Variants in KLHL1 observed in about 807,000 individuals in gnomAD.
KLHL1 encodes kelch like family member 1, also known as kelch-like protein 1.
A neutral mutation model predicts 77.7 loss-of-function variants in KLHL1; 47 were observed. That is an observed-to-expected ratio of 0.60 (90% CI 0.48 to 0.77). The LOEUF (loss-of-function observed/expected upper bound fraction) is 0.77, where lower values mean the gene tolerates loss of function less well. KLHL1 is among the 30% of genes least tolerant of loss of function. The pLI is 0.00. For missense variants in KLHL1, 925 were observed against 910.8 expected (o/e 1.02, Z -0.20); for synonymous variants, 360 against 325.2 (o/e 1.11, Z -1.15).
intron 5 of KLHL1, among the ~76,000 whole-genome samples, chr13:69,847,936 T>A (rs372247453): frequency 1.9e-4 from 29 of 151,686 alleles, no homozygotes; most frequent in African/African-American, 7.0e-4. Context: ...ATATATCTAA[T>A]ACAAATAAAA....
chr13:69,898,124 T>A lies in KLHL1; in HGVS notation c.1015-15629A>T, dbSNP rs1881714053. 2.0e-5 allele frequency among the ~76,000 whole-genome samples: 3 copies of A among 152,190 alleles called. No homozygotes were observed. In the South Asian group the frequency reaches 6.2e-4, roughly 31 times the overall value. On this transcript the variant is annotated intron_variant, in intron 4 of 10. Coordinates refer to ENST00000377844, the MANE Select transcript of KLHL1 (RefSeq NM_020866.3). ...TCTCAGAGTGTGGTTAATAATGATA[T>A]CTCCAAGAAGGAGATTAATGTGCTC... is the stretch of plus-strand genomic sequence containing the variant.
At chr13:69,863,434 T>TC (rs147948286) in intron 5 of KLHL1, among the ~76,000 whole-genome samples, 1,954 of 152,074 alleles carry the variant, frequency 0.013, 45 homozygotes, top group African/African-American at 0.045. Flanking sequence ...CTCATTTTTT[T>TC]CTCCTAGGAG....
chr13:69,812,211 T>C (rs1877912862), intron 6 of KLHL1, among the ~76,000 whole-genome samples: 1 of 152,182 alleles, frequency 6.6e-6, no homozygotes, highest in South Asian at 2.1e-4. Context: ...AATTGAGCGG[T>C]TCTGAGTGAG....
At chr13:70,059,367 A>C (rs1593710585) in intron 1 of KLHL1, among the ~76,000 whole-genome samples, 1 of 151,978 alleles carries the variant, frequency 6.6e-6, no homozygotes, top group Admixed American at 6.6e-5. Context: ...ATGGGTTTTG[A>C]TCATGTTGGC....
At chr13:70,022,050 T>C (rs761993357) in intron 1 of KLHL1, among the ~76,000 whole-genome samples, 2 of 151,966 alleles carry the variant, frequency 1.3e-5, no homozygotes, top group Non-Finnish European at 2.9e-5. Flanking sequence ...ATACAGACAT[T>C]GCCAAACCCA....
At chr13:69,959,838 A>G (rs1244996859) in intron 3 of KLHL1, among the ~76,000 whole-genome samples, 1 of 151,946 alleles carries the variant, frequency 6.6e-6, no homozygotes, top group Non-Finnish European at 1.5e-5. Context: ...TTTCTTTAGT[A>G]AAACCAATTA....
chr13:69,840,626 T>C (rs532137393), intron 5 of KLHL1, among the ~76,000 whole-genome samples: 1 of 151,924 alleles, frequency 6.6e-6, no homozygotes, highest in South Asian at 2.1e-4. Context: ...CAGTTTCCTT[T>C]TGTTGTATAC....
At position 69,955,321 on chromosome 13, in the gene KLHL1, C is replaced by A. The variant is rs550537959; in HGVS notation, c.817+5987G>T. On this transcript the variant is annotated intron_variant, in intron 3 of 10. Coordinates refer to ENST00000377844, the MANE Select transcript of KLHL1 (RefSeq NM_020866.3). ...TCAAATGTTTGGCAGTAAGCAGAAG[C>A]TATCTTAACATTTCTTAGCAGGTAC... Among the ~76,000 whole-genome samples the A allele has an allele frequency of 4.0e-5, 6 of 151,296 alleles. No individual in the cohort carries two copies. In the Admixed American group the frequency reaches 4.0e-4, roughly 10 times the overall value.
chr13:69,785,181 C>T (rs1168800635), intron 7 of KLHL1, among the ~76,000 whole-genome samples: 16 of 152,118 alleles, frequency 1.1e-4, no homozygotes, highest in South Asian at 4.2e-4. Context: ...CGTGAGCCAC[C>T]GCGCCCGGCC....
At chr13:69,834,976 T>G (rs554500336) in intron 6 of KLHL1, among the ~76,000 whole-genome samples, 1 of 152,248 alleles carries the variant, frequency 6.6e-6, no homozygotes, top group African/African-American at 2.4e-5. Flanking sequence ...TAAGGTGGGA[T>G]TATTTGCATT....
chr13:69,701,884 GA>G, intron 10 of KLHL1, 123 bp from the exon 11 acceptor site: 1 of 625,896 alleles, frequency 1.6e-6, no homozygotes. Flanking sequence ...ATTTTAGCCA[GA>G]AGTAGTACAG....
At chr13:69,969,908 A>G (rs1042381985) in intron 2 of KLHL1, among the ~76,000 whole-genome samples, 1 of 141,412 alleles carries the variant, frequency 7.1e-6, no homozygotes, top group Non-Finnish European at 1.5e-5. Context: ...TGAGGTCACT[A>G]CAAATTTATT....
intron 1 of KLHL1, among the ~76,000 whole-genome samples, chr13:69,992,553 G>T (rs1180575780): frequency 3.3e-5 from 5 of 151,984 alleles, no homozygotes; most frequent in Non-Finnish European, 7.4e-5. Context: ...TAGATGAGGA[G>T]ACCAAAACAC....
rs532675726 is a variant in KLHL1, at chr13:69,882,268, G to A, written c.1227+15C>T. On this transcript the variant is annotated intron_variant, in intron 5 of 10. Coordinates refer to ENST00000377844, the MANE Select transcript of KLHL1 (RefSeq NM_020866.3). ...AGTACATTGAATCTATTTAAACAGC[G>A]TCACACATCATTACCTGTGGTGGAA... 6.8e-5 allele frequency: 106 copies of A among 1,563,002 alleles called. No individual in the cohort carries two copies. The highest frequency in any genetic ancestry group is 3.8e-4 in the African/African-American group (28 of 73,926).
chr13:69,832,872 A>C (rs1333224519), intron 6 of KLHL1, among the ~76,000 whole-genome samples: 1 of 152,186 alleles, frequency 6.6e-6, no homozygotes, highest in Admixed American at 6.6e-5. Flanking sequence ...CAACCTATTC[A>C]ACAAATTTTG....
At chr13:69,738,798 G>C (rs890508810) in intron 8 of KLHL1, among the ~76,000 whole-genome samples, 1 of 152,092 alleles carries the variant, frequency 6.6e-6, no homozygotes, top group East Asian at 1.9e-4. Context: ...AAAGAGATGG[G>C]GAGAACAGAA....
chr13:70,056,166 G>C (rs895412338), intron 1 of KLHL1, among the ~76,000 whole-genome samples: 6 of 151,832 alleles, frequency 4.0e-5, no homozygotes, highest in African/African-American at 1.5e-4. Flanking sequence ...CCATGGAAAT[G>C]GAAACCAAAA....
intron 1 of KLHL1, among the ~76,000 whole-genome samples, chr13:69,976,388 A>T (rs1015244868): frequency 1.3e-5 from 2 of 152,084 alleles, no homozygotes; most frequent in Non-Finnish European, 2.9e-5. Flanking sequence ...ACTTATAATA[A>T]CTTTAATCAT....
intron 4 of KLHL1, among the ~76,000 whole-genome samples, chr13:69,893,546 C>G (rs1881511525): frequency 6.6e-6 from 1 of 152,144 alleles, no homozygotes; most frequent in Non-Finnish European, 1.5e-5. Flanking sequence ...AAATATTTCT[C>G]GAGTTTGTCA....
Sources: allele counts gnomAD v4.1 joint callset (sites outside exome capture counted in the v4.1 genomes callset), GRCh38; gene constraint gnomAD v4.1.1; transcripts MANE v1.5; gene names NCBI Gene and HGNC (gene_info 2026-07-23, HGNC 2026-07-21).